Variants in CCDC73 observed in about 807,000 individuals in gnomAD.
CCDC73 encodes coiled-coil domain containing 73.
A neutral mutation model predicts 116.5 loss-of-function variants in CCDC73; 95 were observed. That is an observed-to-expected ratio of 0.82 (90% CI 0.69 to 0.97). The LOEUF (loss-of-function observed/expected upper bound fraction) is 0.97, where lower values mean the gene tolerates loss of function less well. Ranked by LOEUF, CCDC73 falls within the 50% of genes least tolerant of loss-of-function variation. CCDC73 has a pLI of 0.00. For synonymous variants in CCDC73, 398 were observed against 401.3 expected (o/e 0.99, Z 0.10); for missense variants, 1,066 against 1,206.8 (o/e 0.88, Z 1.73).
chr11:32,658,398 C>G (rs1328053878), intron 9 of CCDC73, among the ~76,000 whole-genome samples: 1 of 152,092 alleles, frequency 6.6e-6, no homozygotes, highest in African/African-American at 2.4e-5. Context: ...GCAGAAAGAA[C>G]TAAGAATTAT....
the CCDC73 span, chr11:32,830,201 C>T: frequency 7.5e-6 from 8 of 1,068,774 alleles, no homozygotes; most frequent in Non-Finnish European, 9.1e-6. Flanking sequence ...AGGACCTCGG[C>T]GGGGAGGGGG....
chr11:32,763,864 GAA>G (rs1317832795), intron 1 of CCDC73, among the ~76,000 whole-genome samples: 2 of 152,138 alleles, frequency 1.3e-5, no homozygotes, highest in African/African-American at 4.8e-5. Context: ...TAAAAACCTT[GAA>G]AAAGATTAGA....
At chr11:32,673,921 T>C (rs759502428) in intron 9 of CCDC73, among the ~76,000 whole-genome samples, 1 of 152,158 alleles carries the variant, frequency 6.6e-6, no homozygotes, top group Non-Finnish European at 1.5e-5. Context: ...ATCATGTAGA[T>C]TACGCCAATT....
rs539921599 is a variant in CCDC73 at position 32,669,469 on chromosome 11, C to T, written c.645+6096G>A. Among the ~76,000 whole-genome samples the T allele has an allele frequency of 5.9e-5, 9 of 152,200 alleles. No homozygotes were observed. The East Asian group carries it at 1.7e-3, about 29-fold the overall frequency. On this transcript the variant is annotated intron_variant, in intron 9 of 17. Coordinates refer to ENST00000335185, the MANE Select transcript of CCDC73 (RefSeq NM_001008391.4). Reference sequence around the variant, plus strand: ...ATTTATCGTTTGTGTTATAAAAAATCCAATTACTATTTAGTTATTTTTAAA... The same window carrying T: ...ATTTATCGTTTGTGTTATAAAAAATTCAATTACTATTTAGTTATTTTTAAA...
chr11:32,784,731 G>C (rs903466443), intron 1 of CCDC73, among the ~76,000 whole-genome samples: 26 of 152,154 alleles, frequency 1.7e-4, no homozygotes, highest in Admixed American at 1.6e-3. Flanking sequence ...TTTAAGAAAA[G>C]TATAAATGAT....
At chr11:32,734,600 C>T (rs970657615) in intron 2 of CCDC73, among the ~76,000 whole-genome samples, 2 of 151,970 alleles carry the variant, frequency 1.3e-5, no homozygotes, top group African/African-American at 2.4e-5. Context: ...TCCCTGGGTA[C>T]TTGAGATTAG....
intron 2 of CCDC73, among the ~76,000 whole-genome samples, chr11:32,730,894 T>C (rs113058815): frequency 0.028 from 4,266 of 152,214 alleles, 180 homozygotes; most frequent in African/African-American, 0.095. Context: ...AGGTACCGGG[T>C]GCATCTCACT....
chr11:32,707,189 A>G (rs1185301608), intron 3 of CCDC73, among the ~76,000 whole-genome samples: 1 of 152,168 alleles, frequency 6.6e-6, no homozygotes, highest in Non-Finnish European at 1.5e-5. Context: ...CTTATGAAGT[A>G]TGACTGGTAT....
Position 32,760,230 on chromosome 11 carries a change from A to G in CCDC73, c.14T>C (p.Phe5Ser). The G allele has an allele frequency of 6.4e-7, 1 of 1,564,662 alleles. No individual in the cohort carries two copies. The highest frequency in any genetic ancestry group is 8.7e-7 in the Non-Finnish European group (1 of 1,152,226). Residue 5 changes from phenylalanine to serine, a missense_variant, in exon 2 of 18, where the codon TTC becomes TCC. Physicochemically the swap from Phe to Ser is radical, Grantham distance 155. Transcript: ENST00000335185. MESN[F>S]NTESSSTFTL... is the part of the protein sequence containing the mutation. ...AAAAGTAGATGATGACTCAGTATTG[A>G]AGTTGCTTTCCATATTAATATTTAT...
chr11:32,741,397 A>G (rs1226304496), intron 2 of CCDC73, among the ~76,000 whole-genome samples: 1 of 152,066 alleles, frequency 6.6e-6, no homozygotes, highest in African/African-American at 2.4e-5. Context: ...CCTCTTTCTG[A>G]CTTGACCCCT....
intron 1 of CCDC73, among the ~76,000 whole-genome samples, chr11:32,776,939 ATATAT>A (rs1850538339): frequency 5.5e-5 from 1 of 18,344 alleles, no homozygotes; most frequent in Non-Finnish European, 1.1e-4. Flanking sequence ...AAAAAAAAAT[ATATAT>A]ATATATATAT....
upstream of CCDC73, among the ~76,000 whole-genome samples, chr11:32,799,264 G>A (rs1017186842): frequency 5.3e-5 from 8 of 151,900 alleles, no homozygotes; most frequent in African/African-American, 1.9e-4. Context: ...GTTAATTTTT[G>A]TATTTTTAGT....
intron 14 of CCDC73, among the ~76,000 whole-genome samples, chr11:32,630,319 G>C (rs1463338901): frequency 6.6e-6 from 1 of 152,084 alleles, no homozygotes; most frequent in Non-Finnish European, 1.5e-5. Context: ...CTGTTTTTTT[G>C]TTTGTTTGTT....
In CCDC73 at chr11:32,608,543, TTGAG is replaced by T. The variant is rs554783911; in HGVS notation, c.3030+2585_3030+2588del. Reference sequence around the variant, plus strand: ...TCCTGGCCACTTTCACGGGCTGACATTGAGTGTCTGTGGCTTTTCCAGATACATA... The same window carrying T: ...TCCTGGCCACTTTCACGGGCTGACATTGTCTGTGGCTTTTCCAGATACATA... On this transcript the variant is annotated intron_variant, in intron 17 of 17. Coordinates refer to ENST00000335185, the MANE Select transcript of CCDC73 (RefSeq NM_001008391.4). Among the ~76,000 whole-genome samples, 760 of 152,226 alleles carry T rather than the reference TTGAG, an allele frequency of 5.0e-3. 6 individuals are homozygous for T. Among genetic ancestry groups the T allele is most frequent in the African/African-American group, 0.017 (727 of 41,544 alleles).
chr11:32,763,145 T>G (rs993180785), intron 1 of CCDC73, among the ~76,000 whole-genome samples: 4 of 152,250 alleles, frequency 2.6e-5, no homozygotes, highest in Admixed American at 6.5e-5. Flanking sequence ...GAGGCCTGCC[T>G]GCCTCTGTAG....
chr11:32,684,978 C>CA (rs201667109), intron 6 of CCDC73, among the ~76,000 whole-genome samples: 1,603 of 150,834 alleles, frequency 0.011, 29 homozygotes, highest in African/African-American at 0.036. Flanking sequence ...GAGACTCTGT[C>CA]AAAAAAAATA....
At chr11:32,750,715 C>A in intron 2 of CCDC73, among the ~76,000 whole-genome samples, 1 of 152,146 alleles carries the variant, frequency 6.6e-6, no homozygotes, top group Non-Finnish European at 1.5e-5. Context: ...ACAGTGGGCT[C>A]CCCTCTGGCC....
At chr11:32,655,005 G>C in intron 9 of CCDC73, 33 bp from the exon 10 acceptor site, 1 of 1,555,546 alleles carries the variant, frequency 6.4e-7, no homozygotes, top group Non-Finnish European at 8.7e-7. Context: ...AGAAAATTCA[G>C]TACACATATT....
At chr11:32,764,603 C>T (rs909355117) in intron 1 of CCDC73, among the ~76,000 whole-genome samples, 1 of 152,136 alleles carries the variant, frequency 6.6e-6, no homozygotes, top group Admixed American at 6.5e-5. Flanking sequence ...TACAAAAGCT[C>T]CTGAACGAAG....
Sources: allele counts gnomAD v4.1 joint callset (sites outside exome capture counted in the v4.1 genomes callset), GRCh38; gene constraint gnomAD v4.1.1; transcripts MANE v1.5; gene names NCBI Gene and HGNC (gene_info 2026-07-23, HGNC 2026-07-21).